Variants in CWH43 observed in about 807,000 individuals in gnomAD.
CWH43 encodes PGAP2-interacting protein.
In CWH43, 91 loss-of-function variants were observed where a neutral mutation model predicts 85.7. That is an observed-to-expected ratio of 1.06 (90% CI 0.90 to 1.26). The LOEUF is 1.26. Among genes scored for constraint, CWH43 ranks in the 50% most tolerant of loss-of-function variants. The probability of loss-of-function intolerance (pLI) is 0.00; values close to 1 mark genes in which losing one functional copy is unlikely to be tolerated. For synonymous variants in CWH43, 323 were observed against 293.6 expected (o/e 1.10, Z -1.02); for missense variants, 869 against 839.2 (o/e 1.04, Z -0.44).
At chr4:49,045,499 G>A (rs1314990056) in intron 14 of CWH43, among the ~76,000 whole-genome samples, 1 of 151,958 alleles carries the variant, frequency 6.6e-6, no homozygotes. Context: ...TACTTTTATT[G>A]TACCTTTTCT....
Position 49,028,653 on chromosome 4 carries a change from G to A in CWH43, c.1291G>A (p.Ala431Thr), listed in dbSNP as rs375912340. The change falls in exon 10 of 16, where the codon GCC becomes ACC. Residue 431 changes from alanine (A) to threonine (T), a missense_variant. Physicochemically the swap from Ala to Thr is moderately conservative, Grantham distance 58. This residue lies in a region of CWH43 where 577 missense variants were observed against 513.1 expected (regional missense o/e 1.12). Transcript: ENST00000226432. ...GGCACCAACCAAAGAGGTCTCTGCT[G>A]CCATCTGGCCTTTCAGGTTTGGATA... Reference protein sequence around the residue: ...KVAPTKEVSAAIWPFRFGYDN... With the variant: ...KVAPTKEVSATIWPFRFGYDN... 12 of 1,613,658 alleles carry A rather than the reference G, an allele frequency of 7.4e-6. No homozygotes were observed. The highest frequency in any genetic ancestry group is 3.3e-4 in the Middle Eastern group (2 of 6,054).
At chr4:49,013,760 GT>G (rs1783443717) in intron 8 of CWH43, among the ~76,000 whole-genome samples, 1 of 152,048 alleles carries the variant, frequency 6.6e-6, no homozygotes, top group Non-Finnish European at 1.5e-5. Flanking sequence ...AAAATGATTT[GT>G]TCTAATGGTT....
chr4:49,039,348 T>G (rs1784376595), intron 13 of CWH43, among the ~76,000 whole-genome samples: 1 of 60,772 alleles, frequency 1.6e-5, no homozygotes, highest in African/African-American at 5.0e-5. Context: ...TGTATATATA[T>G]ACTGATATAT....
At chr4:49,030,745 G>T (rs951017540) in intron 10 of CWH43, 80 bp from the exon 11 acceptor site, 6 of 1,350,328 alleles carry the variant, frequency 4.4e-6, no homozygotes, top group Non-Finnish European at 5.9e-6. Flanking sequence ...AAAGGTTAAG[G>T]GTCAAGAGTA....
At chr4:49,011,556 A>C (rs1783360462) in intron 8 of CWH43, among the ~76,000 whole-genome samples, 1 of 152,156 alleles carries the variant, frequency 6.6e-6, no homozygotes. Flanking sequence ...TCTTCATAGC[A>C]TCGACGGTCC....
At position 49,037,957 on chromosome 4, in the gene CWH43, T is replaced by A. The variant is rs1016393438; in HGVS notation, c.1659-79T>A. On this transcript the variant is annotated intron_variant, in intron 12 of 15. Coordinates refer to ENST00000226432, the MANE Select transcript of CWH43 (RefSeq NM_025087.3). ...GCTTCTTCACTATATGCAGATAGTCTTTGGCAACTTAGGTACCTAAGGCTT... is the reference window on the plus strand; with the variant it reads ...GCTTCTTCACTATATGCAGATAGTCATTGGCAACTTAGGTACCTAAGGCTT... 20 of 1,311,656 alleles carry A rather than the reference T, an allele frequency of 1.5e-5. No homozygotes were observed. The African/African-American group carries it at 2.8e-4, about 18-fold the overall frequency. The allele number at this position is 1,311,656 out of a possible 1,614,324, so 81.3% of individuals were successfully genotyped here.
chr4:48,995,008 G>T (rs1482705167), intron 5 of CWH43, among the ~76,000 whole-genome samples, 188 bp downstream of exon 5: 1 of 152,186 alleles, frequency 6.6e-6, no homozygotes, highest in Non-Finnish European at 1.5e-5. Flanking sequence ...TTTCCTCTGT[G>T]CAGAAGGATT....
chr4:49,008,221 A>T (rs1783231993), intron 8 of CWH43, among the ~76,000 whole-genome samples: 1 of 152,214 alleles, frequency 6.6e-6, no homozygotes, highest in Non-Finnish European at 1.5e-5. Context: ...TCTGATGCCC[A>T]GTGATGATGA....
At chr4:49,023,835 T>C (rs1783821781) in intron 9 of CWH43, among the ~76,000 whole-genome samples, 1 of 152,248 alleles carries the variant, frequency 6.6e-6, no homozygotes, top group Non-Finnish European at 1.5e-5. Context: ...AGTTGTTGGG[T>C]AGAATGTTCT....
intron 9 of CWH43, among the ~76,000 whole-genome samples, chr4:49,026,965 C>T (rs1352707502): frequency 6.6e-6 from 1 of 152,182 alleles, no homozygotes; most frequent in Non-Finnish European, 1.5e-5. Context: ...AATCTCTAAA[C>T]TGTTTTCCAT....
chr4:49,007,191 C>G lies in CWH43; in HGVS notation c.1061-10C>G. On this transcript the variant is annotated splice_polypyrimidine_tract_variant and intron_variant, in intron 7 of 15. Transcript: ENST00000226432. ...AGACTATAACATATTCTTTCTTTCT[C>G]TTATAACAGGGACAATGATGTTAAT... The G allele has an allele frequency of 1.2e-6, 2 of 1,601,676 alleles. No individual in the cohort carries two copies. The highest frequency in any genetic ancestry group is 1.7e-6 in the Non-Finnish European group (2 of 1,175,940).
In CWH43 at chr4:48,986,394, C is replaced by T; in HGVS notation, c.-36C>T. On this transcript the variant is annotated 5_prime_UTR_variant, in exon 1 of 16. In the 5' UTR this introduces an upstream ATG that the reference lacks. Coordinates refer to ENST00000226432, the MANE Select transcript of CWH43 (RefSeq NM_025087.3). ...GCTAGGGCAGCGGGCCCGACCCGCACGGCTTTCCTGGAAAGCGCTGCCCCT... is the reference window on the plus strand; with the variant it reads ...GCTAGGGCAGCGGGCCCGACCCGCATGGCTTTCCTGGAAAGCGCTGCCCCT... The T allele has an allele frequency of 6.5e-7, 1 of 1,545,374 alleles. No homozygotes were observed. The highest frequency in any genetic ancestry group is 8.7e-7 in the Non-Finnish European group (1 of 1,144,300).
intron 9 of CWH43, among the ~76,000 whole-genome samples, chr4:49,019,821 C>T (rs1416822033): frequency 6.6e-6 from 1 of 152,080 alleles, no homozygotes; most frequent in Non-Finnish European, 1.5e-5. Flanking sequence ...CTCAAGTTAT[C>T]TGCCTGCCTT....
At chr4:49,016,414 G>A (rs1783547403) in intron 8 of CWH43, among the ~76,000 whole-genome samples, 1 of 152,080 alleles carries the variant, frequency 6.6e-6, no homozygotes, top group Admixed American at 6.6e-5. Context: ...GAAGGGAGAG[G>A]ATGGTTTATC....
At chr4:49,007,812 T>C (rs537049316) in intron 8 of CWH43, among the ~76,000 whole-genome samples, 13 of 152,242 alleles carry the variant, frequency 8.5e-5, no homozygotes, top group Non-Finnish European at 1.5e-4. Context: ...ACTCATTTTT[T>C]ATGGCTGCCT....
chr4:49,056,562 T>G (rs1183024359), intron 15 of CWH43, among the ~76,000 whole-genome samples: 1 of 152,110 alleles, frequency 6.6e-6, no homozygotes, highest in Non-Finnish European at 1.5e-5. Flanking sequence ...TCTCTTTTTT[T>G]CTTAGTAAGT....
intron 1 of CWH43, among the ~76,000 whole-genome samples, chr4:48,987,965 AG>A: frequency 6.6e-6 from 1 of 152,300 alleles, no homozygotes; most frequent in South Asian, 2.1e-4. Context: ...TTTGTCAGTC[AG>A]GGTCCTGACG....
At chr4:49,004,067 T>C (rs541301870) in intron 7 of CWH43, 75 bp downstream of exon 7, 1 of 1,306,032 alleles carries the variant, frequency 7.7e-7, no homozygotes, top group Admixed American at 2.6e-5. Flanking sequence ...GATTTAGCAC[T>C]TTATGTAACT....
chr4:49,044,660 G>A (rs962070532), intron 13 of CWH43, 126 bp from the exon 14 acceptor site: 1 of 666,978 alleles, frequency 1.5e-6, no homozygotes, highest in Non-Finnish European at 2.5e-6. Context: ...AAGATCAGTA[G>A]GAGCCAGGAA....
Sources: gnomAD v4.1 joint callset for allele counts (sites outside exome capture counted in the v4.1 genomes callset) on GRCh38, gnomAD v4.1.1 for gene constraint, gnomAD v4.1.1 regional missense constraint, MANE v1.5 for transcripts, NCBI Gene and HGNC (gene_info 2026-07-23, HGNC 2026-07-21) for gene names.